MLIP: variants seen among roughly 807,000 people sequenced by gnomAD.
MLIP encodes muscular LMNA interacting protein, also known as muscular LMNA-interacting protein.
MLIP carries 79 observed loss-of-function variants against 84.8 expected under a neutral mutation model. The observed-to-expected ratio is 0.93, with a 90% CI of 0.78 to 1.12. MLIP has a LOEUF of 1.12. Ranked by LOEUF, MLIP falls within the 50% of genes most tolerant of loss-of-function variation. The probability of loss-of-function intolerance (pLI) is 0.00; values close to 1 mark genes in which losing one functional copy is unlikely to be tolerated. For missense variants in MLIP, 1,257 were observed against 1,160.6 expected, an observed-to-expected ratio of 1.08 and a Z score of -1.21; for synonymous variants, 504 against 463.0, an observed-to-expected ratio of 1.09 and a Z score of -1.14.
intron 11 of MLIP, chr6:54,215,116 A>C (rs527719029): frequency 6.6e-7 from 1 of 1,515,340 alleles, no homozygotes; most frequent in Non-Finnish European, 8.9e-7. Context: ...CTTCCTCACT[A>C]AAAGCTGTCC....
At chr6:54,224,125 A>C (rs1436747445) in intron 11 of MLIP, among the ~76,000 whole-genome samples, 1 of 152,080 alleles carries the variant, frequency 6.6e-6, no homozygotes, top group Non-Finnish European at 1.5e-5. Context: ...GAAAACGATA[A>C]ATAGCTAGAA....
intron 8 of MLIP, among the ~76,000 whole-genome samples, chr6:54,168,122 T>C (rs1775384354): frequency 6.6e-6 from 1 of 151,956 alleles, no homozygotes; most frequent in African/African-American, 2.4e-5. Context: ...TTTATTGTCC[T>C]TTATGGAAAG....
intron 3 of MLIP, 33 bp downstream of exon 3, chr6:54,124,898 A>T: frequency 6.6e-7 from 1 of 1,523,500 alleles, no homozygotes. Context: ...CCATAAGGAA[A>T]AAAAAAGCGT....
At chr6:54,033,171 G>A (rs1265041209) in intron 1 of MLIP, among the ~76,000 whole-genome samples, 4 of 151,992 alleles carry the variant, frequency 2.6e-5, no homozygotes, top group Non-Finnish European at 4.4e-5. Flanking sequence ...GGCAGAACAC[G>A]TTCCATGTTC....
intron 13 of MLIP, among the ~76,000 whole-genome samples, chr6:54,261,463 A>G (rs957537982): frequency 1.3e-5 from 2 of 152,212 alleles, no homozygotes; most frequent in Non-Finnish European, 2.9e-5. Flanking sequence ...CTAGCTGCCC[A>G]TAAAACACAT....
intron 1 of MLIP, among the ~76,000 whole-genome samples, chr6:54,115,648 C>T (rs1225856512): frequency 1.3e-5 from 2 of 152,054 alleles, no homozygotes; most frequent in Non-Finnish European, 2.9e-5. Context: ...TGGCATTGAA[C>T]CAGAAACTGA....
chr6:54,257,239 T>C, intron 12 of MLIP, 69 bp from the exon 13 acceptor site: 1 of 1,119,028 alleles, frequency 8.9e-7, no homozygotes, highest in East Asian at 2.4e-5. Flanking sequence ...TCTGTTTAAA[T>C]GAAATTTTAA....
chr6:54,104,715 C>CT (rs900172727), intron 1 of MLIP, among the ~76,000 whole-genome samples: 4 of 151,972 alleles, frequency 2.6e-5, no homozygotes, highest in Non-Finnish European at 4.4e-5. Flanking sequence ...TGGAAACTCC[C>CT]TTTTTTTTCC....
chr6:54,223,279 T>C (rs1318412547), intron 11 of MLIP, among the ~76,000 whole-genome samples: 3 of 135,214 alleles, frequency 2.2e-5, no homozygotes, highest in Admixed American at 8.1e-5. Context: ...TTGGTGTCTG[T>C]TCTTTTGCTG....
intron 9 of MLIP, 149 bp from the exon 10 acceptor site, chr6:54,189,721 G>A (rs1033370732): frequency 3.3e-6 from 2 of 598,952 alleles, no homozygotes; most frequent in Middle Eastern, 4.4e-4. Flanking sequence ...CATTTCTTTG[G>A]TGGCATAAGG....
intron 9 of MLIP, among the ~76,000 whole-genome samples, chr6:54,186,905 C>T (rs1406418383): frequency 2.6e-5 from 4 of 152,092 alleles, no homozygotes; most frequent in African/African-American, 9.7e-5. Context: ...GGTGCCAGGA[C>T]CCGAGAGCTT....
intron 9 of MLIP, among the ~76,000 whole-genome samples, chr6:54,175,855 T>G (rs1009710374): frequency 6.6e-6 from 1 of 152,026 alleles, no homozygotes. Flanking sequence ...TCTGTATGAT[T>G]CTAGCTGTGG....
intron 1 of MLIP, among the ~76,000 whole-genome samples, chr6:54,053,935 C>A (rs1765505837): frequency 6.6e-6 from 1 of 152,170 alleles, no homozygotes; most frequent in Non-Finnish European, 1.5e-5. Context: ...TAAACCTTGG[C>A]TCTACTATCT....
intron 2 of MLIP, 70 bp from the exon 3 acceptor site, chr6:54,124,403 G>A: frequency 7.1e-7 from 1 of 1,410,454 alleles, no homozygotes; most frequent in Non-Finnish European, 9.6e-7. Flanking sequence ...AAGCTTTTCA[G>A]TGTACATGCC....
At chr6:54,029,826 G>A (rs2025659) in intron 1 of MLIP, among the ~76,000 whole-genome samples, 143,241 of 152,198 alleles carry the variant, frequency 0.94, 68,005 homozygotes, top group East Asian at 1. Context: ...TGCCATAGTG[G>A]TTTTGGTGGT....
At chr6:54,049,679 C>A (rs1240539922) in intron 1 of MLIP, among the ~76,000 whole-genome samples, 1 of 152,040 alleles carries the variant, frequency 6.6e-6, no homozygotes, top group Non-Finnish European at 1.5e-5. Flanking sequence ...CACTACTTAC[C>A]CCCAATCTCC....
intron 4 of MLIP, among the ~76,000 whole-genome samples, chr6:54,141,381 A>G (rs1008000032): frequency 2.1e-5 from 3 of 140,908 alleles, no homozygotes; most frequent in Non-Finnish European, 4.5e-5. Flanking sequence ...ATCTTGGCTC[A>G]CTGCAACCTC....
chr6:54,100,450 T>A lies in MLIP; in HGVS notation c.64-20997T>A, dbSNP rs567543021. On this transcript the variant is annotated intron_variant, in intron 1 of 12. Coordinates refer to the MLIP transcript ENST00000274897. Reference sequence around the variant, plus strand: ...TTTGTTACATGCCATGAGAAGAAAATTTTTAAAAATGTTTTCCTCATATTT... The same window carrying A: ...TTTGTTACATGCCATGAGAAGAAAAATTTTAAAAATGTTTTCCTCATATTT... Among the ~76,000 whole-genome samples the A allele has an allele frequency of 2.7e-4, 41 of 152,230 alleles. No homozygotes were observed. The South Asian group carries it at 8.1e-3, about 30-fold the overall frequency.
intron 1 of MLIP, among the ~76,000 whole-genome samples, chr6:54,082,137 A>G (rs1243960806): frequency 6.6e-6 from 1 of 152,116 alleles, no homozygotes; most frequent in Non-Finnish European, 1.5e-5. Flanking sequence ...TATTTTTAGA[A>G]TGTTTCTGAG....
Sources: gnomAD v4.1 joint callset for allele counts (sites outside exome capture counted in the v4.1 genomes callset) on GRCh38, gnomAD v4.1.1 for gene constraint, MANE v1.5 for transcripts, NCBI Gene and HGNC (gene_info 2026-07-23, HGNC 2026-07-21) for gene names.